LINGO2: variants seen among roughly 807,000 people sequenced by gnomAD.
LINGO2 encodes the protein leucine rich repeat and Ig domain containing 2, also known as leucine-rich repeat and immunoglobulin-like domain-containing nogo receptor-interacting protein 2.
In LINGO2, 14 loss-of-function variants were observed where a neutral mutation model predicts 30.6. The observed-to-expected ratio is 0.46, with a 90% CI of 0.30 to 0.72. The LOEUF is 0.72. LINGO2 is among the 30% of genes least tolerant of loss of function. The pLI is 0.07. For synonymous variants in LINGO2, 317 were observed against 288.5 expected, an observed-to-expected ratio of 1.10 and a Z score of -1.00; for missense variants, 729 against 751.7, an observed-to-expected ratio of 0.97 and a Z score of 0.35.
chr9:29,042,914 C>T, the LINGO2 span, among the ~76,000 whole-genome samples: 1 of 151,656 alleles, frequency 6.6e-6, no homozygotes. Flanking sequence ...TAGTCATTGC[C>T]ACGGGATGCA....
At chr9:29,112,092 T>C in the LINGO2 span, among the ~76,000 whole-genome samples, 1 of 151,814 alleles carries the variant, frequency 6.6e-6, no homozygotes, top group Admixed American at 6.6e-5. Context: ...TTTTAGAACT[T>C]ATATCTGAAT....
chr9:28,639,629 A>T lies in LINGO2; in HGVS notation c.-365+30571T>A, dbSNP rs576784140. Reference sequence around the variant, plus strand: ...TGGTTTAAAGTCTGTTTTATCAGAGACTAGGATTGCAACCCCTGCCTTCTT... The same window carrying T: ...TGGTTTAAAGTCTGTTTTATCAGAGTCTAGGATTGCAACCCCTGCCTTCTT... On this transcript the variant is annotated intron_variant, in intron 1 of 5. Coordinates refer to ENST00000379992, the Ensembl canonical transcript of LINGO2. Among the ~76,000 whole-genome samples, 407 of 152,170 alleles carry T rather than the reference A, an allele frequency of 2.7e-3. 3 individuals are homozygous for T. Among genetic ancestry groups the T allele is most frequent in the South Asian group, 0.011 (55 of 4,820 alleles).
chr9:29,042,777 A>C, the LINGO2 span, among the ~76,000 whole-genome samples: 2 of 151,922 alleles, frequency 1.3e-5, no homozygotes, highest in African/African-American at 4.8e-5. Context: ...TAATACACAC[A>C]ATTTGGATAA....
intron 1 of LINGO2, among the ~76,000 whole-genome samples, chr9:28,506,414 ATATATATACAC>A (rs1433338034): frequency 3.4e-3 from 9 of 2,684 alleles, no homozygotes; most frequent in Non-Finnish European, 9.8e-3. Context: ...ATATATATAT[ATATATATACAC>A]ACACACACAC....
chr9:27,979,239 A>G (rs891809336), intron 5 of LINGO2, among the ~76,000 whole-genome samples: 12 of 152,020 alleles, frequency 7.9e-5, no homozygotes, highest in Non-Finnish European at 1.6e-4. Flanking sequence ...TCAGCAATGC[A>G]GGGGTAGTGG....
intron 4 of LINGO2, among the ~76,000 whole-genome samples, chr9:28,186,572 G>A (rs1287569079): frequency 1.3e-5 from 2 of 152,108 alleles, no homozygotes; most frequent in African/African-American, 4.8e-5. Flanking sequence ...TAGAAAGTGA[G>A]TAGGGAGTGT....
the LINGO2 span, among the ~76,000 whole-genome samples, chr9:28,677,307 CA>C: frequency 1.3e-5 from 2 of 151,964 alleles, no homozygotes; most frequent in East Asian, 3.9e-4. Context: ...GTTCCTTAAC[CA>C]AAAAATATCA....
chr9:28,714,975 T>C, the LINGO2 span, among the ~76,000 whole-genome samples: 1 of 152,308 alleles, frequency 6.6e-6, no homozygotes, highest in Admixed American at 6.5e-5. Flanking sequence ...TAATTTTGTT[T>C]AGTTTAACTA....
chr9:28,157,300 T>C (rs1422840418), intron 4 of LINGO2, among the ~76,000 whole-genome samples: 1 of 152,186 alleles, frequency 6.6e-6, no homozygotes, highest in African/African-American at 2.4e-5. Context: ...GGCTTGGGGC[T>C]TCCACCCTCT....
chr9:28,718,476 G>C, the LINGO2 span, among the ~76,000 whole-genome samples: 1 of 151,910 alleles, frequency 6.6e-6, no homozygotes, highest in Non-Finnish European at 1.5e-5. Flanking sequence ...TTATACCCTT[G>C]GGCCTATCAT....
intron 3 of LINGO2, among the ~76,000 whole-genome samples, chr9:28,315,608 G>A (rs1162328705): frequency 6.6e-6 from 1 of 152,076 alleles, no homozygotes; most frequent in Admixed American, 6.6e-5. Context: ...TTAATAAAAA[G>A]AAGGGCTGGT....
chr9:28,501,290 A>C (rs1193531465), intron 1 of LINGO2, among the ~76,000 whole-genome samples: 1 of 152,136 alleles, frequency 6.6e-6, no homozygotes, highest in Non-Finnish European at 1.5e-5. Flanking sequence ...TCTTTGTTTT[A>C]TTTGAATGTG....
chr9:28,815,209 T>C, the LINGO2 span, among the ~76,000 whole-genome samples: 18 of 152,156 alleles, frequency 1.2e-4, no homozygotes, highest in African/African-American at 4.3e-4. Flanking sequence ...AGAAATTCAG[T>C]TGTAAGTGAT....
intron 1 of LINGO2, among the ~76,000 whole-genome samples, chr9:28,551,929 C>T (rs1047808941): frequency 6.6e-6 from 1 of 152,034 alleles, no homozygotes; most frequent in Non-Finnish European, 1.5e-5. Context: ...ACAGGATACA[C>T]ATGTCAGACA....
chr9:28,316,846 A>C (rs1824862971), intron 3 of LINGO2, among the ~76,000 whole-genome samples: 1 of 152,152 alleles, frequency 6.6e-6, no homozygotes, highest in Admixed American at 6.5e-5. Flanking sequence ...AAAAATTAGG[A>C]TGAGGGATTT....
the LINGO2 span, among the ~76,000 whole-genome samples, chr9:29,087,958 G>A: frequency 1.3e-5 from 2 of 152,034 alleles, no homozygotes; most frequent in Admixed American, 6.6e-5. Context: ...TAAGTTATAT[G>A]CTGGCACATG....
At chr9:28,184,813 C>T (rs1819483576) in intron 4 of LINGO2, among the ~76,000 whole-genome samples, 1 of 152,066 alleles carries the variant, frequency 6.6e-6, no homozygotes, top group Non-Finnish European at 1.5e-5. Flanking sequence ...TAACTGCACC[C>T]CTATACATGG....
the LINGO2 span, among the ~76,000 whole-genome samples, chr9:28,955,860 C>T: frequency 2.0e-3 from 310 of 152,082 alleles, 1 homozygote; most frequent in Admixed American, 4.0e-3. Context: ...CTAGGCTGGT[C>T]TCAAACTCCT....
the LINGO2 span, among the ~76,000 whole-genome samples, chr9:28,946,507 T>C: frequency 6.6e-6 from 1 of 152,116 alleles, no homozygotes; most frequent in African/African-American, 2.4e-5. Context: ...TTGCCCAGAT[T>C]CCTTTCCCCT....
Sources: allele counts gnomAD v4.1 joint callset (sites outside exome capture counted in the v4.1 genomes callset), GRCh38; gene constraint gnomAD v4.1.1; transcripts MANE v1.5; gene names NCBI Gene and HGNC (gene_info 2026-07-23, HGNC 2026-07-21).